Variants in AK5 observed in about 807,000 individuals in gnomAD.
AK5 encodes the protein adenylate kinase 5, also known as adenylate kinase isoenzyme 5.
AK5 carries 27 observed loss-of-function variants against 69.5 expected under a neutral mutation model. The observed-to-expected ratio is 0.39, with a 90% CI of 0.29 to 0.54. AK5 has a LOEUF of 0.54. AK5 is among the 20% of genes least tolerant of loss of function. The probability of loss-of-function intolerance (pLI) is 0.71; values close to 1 mark genes in which losing one functional copy is unlikely to be tolerated. For missense variants in AK5, 531 were observed against 700.4 expected (o/e 0.76, Z 2.73); for synonymous variants, 260 against 244.4 (o/e 1.06, Z -0.60).
chr1:77,356,717 G>T (rs1451873804), intron 6 of AK5, among the ~76,000 whole-genome samples: 1 of 152,162 alleles, frequency 6.6e-6, no homozygotes, highest in African/African-American at 2.4e-5. Flanking sequence ...GATTGGCCTT[G>T]GTACTGTCCA....
chr1:77,348,693 T>A (rs140830296), intron 6 of AK5, among the ~76,000 whole-genome samples: 124 of 152,208 alleles, frequency 8.1e-4, no homozygotes, highest in African/African-American at 2.8e-3. Context: ...ACTAACAACT[T>A]CCTATAAACT....
At position 77,415,400 on chromosome 1, in the gene AK5, C is replaced by T. The variant is rs1043375151; in HGVS notation, c.983-2239C>T. Among the ~76,000 whole-genome samples, 26 of 152,168 alleles carry T rather than the reference C, an allele frequency of 1.7e-4. 1 individual carries two copies. Among genetic ancestry groups the T allele is most frequent in the African/African-American group, 6.0e-4 (25 of 41,452 alleles). ...AAGATTTCATGTTCAGATCACAGTA[C>T]TCACTCCACATGAATCACTCTAAGT... On this transcript the variant is annotated intron_variant, in intron 7 of 13. Coordinates refer to ENST00000354567, the MANE Select transcript of AK5 (RefSeq NM_174858.3).
chr1:77,424,129 T>C (rs1651031442), intron 8 of AK5, among the ~76,000 whole-genome samples: 1 of 152,208 alleles, frequency 6.6e-6, no homozygotes, highest in African/African-American at 2.4e-5. Flanking sequence ...TGGTTCCTTT[T>C]ATTCAGTATA....
intron 8 of AK5, among the ~76,000 whole-genome samples, chr1:77,477,119 C>T (rs757693988): frequency 1.3e-4 from 19 of 151,930 alleles, no homozygotes; most frequent in Non-Finnish European, 2.4e-4. Flanking sequence ...CCTCAACCTC[C>T]TAGGCCCAAG....
intron 6 of AK5, among the ~76,000 whole-genome samples, chr1:77,381,896 TAAAC>T (rs987992646): frequency 1.6e-4 from 24 of 152,154 alleles, no homozygotes; most frequent in African/African-American, 3.4e-4. Flanking sequence ...AGCATTAAAA[TAAAC>T]AAAGTAGTAG....
chr1:77,464,699 G>A (rs1654036515), intron 8 of AK5, among the ~76,000 whole-genome samples: 1 of 152,130 alleles, frequency 6.6e-6, no homozygotes, highest in African/African-American at 2.4e-5. Flanking sequence ...CTACAGTAGT[G>A]TAAAGTCCCT....
intron 8 of AK5, among the ~76,000 whole-genome samples, chr1:77,444,164 ACT>A (rs1338466155): frequency 8.8e-6 from 1 of 113,012 alleles, no homozygotes. Context: ...TCTCTCTCTC[ACT>A]CTCTCTCTAT....
intron 6 of AK5, among the ~76,000 whole-genome samples, chr1:77,388,802 GGAGAATAAGA>G (rs1377099204): frequency 6.6e-6 from 1 of 151,800 alleles, no homozygotes; most frequent in Non-Finnish European, 1.5e-5. Context: ...TTGGCCAAAA[GGAGAATAAGA>G]GAATGTGAAG....
At position 77,371,750 on chromosome 1, in the gene AK5, A is replaced by G. The variant is rs144212767; in HGVS notation, c.891+31182A>G. On this transcript the variant is annotated intron_variant, in intron 6 of 13. Transcript: ENST00000354567. ...AAGGAGCTTGGCATTTAATAAATGGAAGTCTCTATGATTTCACTATTCCAT... is the reference window on the plus strand; with the variant it reads ...AAGGAGCTTGGCATTTAATAAATGGGAGTCTCTATGATTTCACTATTCCAT... 3.3e-3 allele frequency among the ~76,000 whole-genome samples: 499 copies of G among 152,324 alleles called. 1 individual carries two copies. Among genetic ancestry groups the G allele is most frequent in the African/African-American group, 0.012 (479 of 41,568 alleles).
At chr1:77,499,373 C>G (rs1656560428) in intron 10 of AK5, among the ~76,000 whole-genome samples, 1 of 152,138 alleles carries the variant, frequency 6.6e-6, no homozygotes, top group Admixed American at 6.5e-5. Context: ...TCATATTTGT[C>G]TGGGGCACTG....
At chr1:77,442,658 G>C (rs1465636355) in intron 8 of AK5, among the ~76,000 whole-genome samples, 1 of 152,144 alleles carries the variant, frequency 6.6e-6, no homozygotes, top group Non-Finnish European at 1.5e-5. Flanking sequence ...CCCTCCTTCA[G>C]TTATTTTTAT....
chr1:77,399,730 C>A (rs1026655892), intron 6 of AK5, among the ~76,000 whole-genome samples: 2 of 152,054 alleles, frequency 1.3e-5, no homozygotes, highest in Non-Finnish European at 2.9e-5. Context: ...TGAGGGAGAC[C>A]GAATAGTGAT....
chr1:77,489,151 G>T (rs1345572979), intron 10 of AK5, among the ~76,000 whole-genome samples: 1 of 152,164 alleles, frequency 6.6e-6, no homozygotes, highest in Non-Finnish European at 1.5e-5. Flanking sequence ...ACTAAGTCCT[G>T]TGCCCTTCAA....
intron 10 of AK5, among the ~76,000 whole-genome samples, chr1:77,504,559 T>C (rs933666330): frequency 1.3e-5 from 2 of 152,196 alleles, no homozygotes; most frequent in Admixed American, 6.5e-5. Context: ...ATATGCCATG[T>C]CATTTTTTAA....
chr1:77,415,774 T>C (rs1222740998), intron 7 of AK5, among the ~76,000 whole-genome samples: 2 of 152,180 alleles, frequency 1.3e-5, no homozygotes, highest in Non-Finnish European at 2.9e-5. Context: ...ATAAACCCAT[T>C]TCGATTGCCC....
intron 5 of AK5, among the ~76,000 whole-genome samples, chr1:77,322,565 CA>C (rs949031103): frequency 2.6e-5 from 4 of 151,994 alleles, no homozygotes; most frequent in Non-Finnish European, 5.9e-5. Context: ...AAAACAAAGA[CA>C]AAAAAACTTT....
intron 13 of AK5, among the ~76,000 whole-genome samples, chr1:77,543,450 C>A (rs1009591278): frequency 9.4e-6 from 1 of 106,288 alleles, no homozygotes; most frequent in Non-Finnish European, 2.4e-5. Flanking sequence ...TGGCTTCACA[C>A]ACAAATGACA....
intron 8 of AK5, among the ~76,000 whole-genome samples, chr1:77,474,044 T>C (rs990888687): frequency 6.6e-6 from 1 of 152,064 alleles, no homozygotes; most frequent in Non-Finnish European, 1.5e-5. Flanking sequence ...GGACAAACAA[T>C]AAGCAGGGGT....
intron 6 of AK5, among the ~76,000 whole-genome samples, chr1:77,406,902 G>A (rs1359384439): frequency 6.6e-6 from 1 of 151,980 alleles, no homozygotes; most frequent in Non-Finnish European, 1.5e-5. Context: ...TTAAAAGCAA[G>A]ACCTGAAAGA....
Sources: gnomAD v4.1 joint callset for allele counts (sites outside exome capture counted in the v4.1 genomes callset) on GRCh38, gnomAD v4.1.1 for gene constraint, MANE v1.5 for transcripts, NCBI Gene and HGNC (gene_info 2026-07-23, HGNC 2026-07-21) for gene names.